SLC35F4: variants seen among roughly 807,000 people sequenced by gnomAD.
SLC35F4 encodes solute carrier family 35 member F4, also known as chromosome 14 open reading frame 36.
SLC35F4 carries 24 observed loss-of-function variants against 44.2 expected under a neutral mutation model. The ratio of observed to expected loss-of-function variants is 0.54; its 90% CI spans 0.39 to 0.76. The LOEUF is 0.76. Among genes scored for constraint, SLC35F4 ranks in the 30% least tolerant of loss-of-function variants. The pLI is 0.00. For missense variants in SLC35F4, 562 were observed against 586.1 expected (o/e 0.96, Z 0.42); for synonymous variants, 238 against 223.6 (o/e 1.06, Z -0.57).
intron 1 of SLC35F4, among the ~76,000 whole-genome samples, chr14:57,735,157 G>A (rs80091716): frequency 0.038 from 5,790 of 152,208 alleles, 134 homozygotes; most frequent in South Asian, 0.085. Context: ...TAGGGTATTC[G>A]TGACTTAGTT....
rs572447842 is a variant in SLC35F4, at chr14:57,648,509, C to T, written c.104-54385G>A. Among the ~76,000 whole-genome samples the T allele has an allele frequency of 3.3e-5, 5 of 152,238 alleles. No homozygotes were observed. The South Asian group carries it at 1.0e-3, about 32-fold the overall frequency. ...AGAGCTACATAACACATTCATGTGC[C>T]TTAAAATTTCAGTTTAGATGCCACA... On this transcript the variant is annotated intron_variant, in intron 1 of 7. Coordinates refer to ENST00000556826, the MANE Select transcript of SLC35F4 (RefSeq NM_001306087.2).
At chr14:57,733,380 A>T (rs2076390799) in intron 1 of SLC35F4, among the ~76,000 whole-genome samples, 1 of 126,856 alleles carries the variant, frequency 7.9e-6, no homozygotes, top group South Asian at 2.6e-4. Context: ...AAAAAAAAAA[A>T]ATCCCAGCAA....
At chr14:57,660,376 T>C (rs574366922) in intron 1 of SLC35F4, among the ~76,000 whole-genome samples, 2 of 152,138 alleles carry the variant, frequency 1.3e-5, no homozygotes, top group South Asian at 4.1e-4. Context: ...CTGCTGGATC[T>C]ACACTTAGAG....
intron 1 of SLC35F4, among the ~76,000 whole-genome samples, chr14:57,823,548 T>C (rs1428199473): frequency 1.3e-5 from 2 of 152,160 alleles, no homozygotes; most frequent in Non-Finnish European, 2.9e-5. Flanking sequence ...TATAGCTATA[T>C]CCCTGGTGCC....
upstream of SLC35F4, among the ~76,000 whole-genome samples, chr14:57,982,905 C>CCT (rs1379446221): frequency 1.3e-5 from 2 of 152,094 alleles, no homozygotes; most frequent in African/African-American, 2.4e-5. Flanking sequence ...TCAATCAGCT[C>CCT]CTCTCTCTCC....
chr14:57,729,010 G>A (rs182017569), intron 1 of SLC35F4, among the ~76,000 whole-genome samples: 151 of 152,234 alleles, frequency 9.9e-4, no homozygotes, highest in African/African-American at 3.5e-3. Context: ...GGTTTCCACT[G>A]AAAAGTCTGC....
chr14:57,777,664 A>G (rs1372927757), intron 1 of SLC35F4, among the ~76,000 whole-genome samples: 1 of 152,138 alleles, frequency 6.6e-6, no homozygotes, highest in African/African-American at 2.4e-5. Flanking sequence ...TAGCATTAGG[A>G]GAAATACCTA....
chr14:57,873,698 G>C (rs1319276115), intron 1 of SLC35F4, among the ~76,000 whole-genome samples: 1 of 152,008 alleles, frequency 6.6e-6, no homozygotes, highest in Admixed American at 6.6e-5. Flanking sequence ...CATTTTCCAA[G>C]TGTTCTGAAA....
In SLC35F4 at chr14:57,847,687, C is replaced by T. The variant is rs138860710; in HGVS notation, c.103+18036G>A. On this transcript the variant is annotated intron_variant, in intron 1 of 7. Coordinates refer to ENST00000556826, the MANE Select transcript of SLC35F4 (RefSeq NM_001306087.2). ...TACAGCTCGATGACATTTTCATAAA[C>T]GTATCAATGTAACCAACAGTCAGAT... 1.9e-3 allele frequency among the ~76,000 whole-genome samples: 294 copies of T among 152,196 alleles called. 2 individuals are homozygous for T. Among genetic ancestry groups the T allele is most frequent in the African/African-American group, 6.0e-3 (249 of 41,530 alleles).
At chr14:57,931,839 TA>T (rs1482705175) in intron 1 of SLC35F4, among the ~76,000 whole-genome samples, 2 of 152,136 alleles carry the variant, frequency 1.3e-5, no homozygotes, top group Non-Finnish European at 2.9e-5. Flanking sequence ...CCTAAGGAAA[TA>T]GTTCAAGCTT....
At chr14:57,976,780 T>A (rs1793894649) in exon 2 of SLC35F4, 1 of 152,150 alleles carries the variant, frequency 6.6e-6, no homozygotes, top group African/African-American at 2.4e-5. Context: ...TCAACCTTTA[T>A]CAGTAAGGAA....
chr14:57,708,383 A>C (rs529507854), intron 1 of SLC35F4, among the ~76,000 whole-genome samples: 19 of 152,214 alleles, frequency 1.2e-4, no homozygotes, highest in Non-Finnish European at 2.5e-4. Context: ...TTTGAGTAAT[A>C]ATAAAACTCT....
At chr14:57,787,938 T>G (rs1470259329) in intron 1 of SLC35F4, among the ~76,000 whole-genome samples, 1 of 152,152 alleles carries the variant, frequency 6.6e-6, no homozygotes, top group Non-Finnish European at 1.5e-5. Flanking sequence ...TAACATTGAA[T>G]GTAAATGGTC....
chr14:57,602,897 CAAG>C (rs1447662767), intron 1 of SLC35F4, among the ~76,000 whole-genome samples: 1 of 152,182 alleles, frequency 6.6e-6, no homozygotes, highest in Admixed American at 6.5e-5. Flanking sequence ...CAGTCCTGCC[CAAG>C]AATAACCCCT....
At chr14:57,664,915 C>T (rs780243711) in intron 1 of SLC35F4, among the ~76,000 whole-genome samples, 3 of 152,104 alleles carry the variant, frequency 2.0e-5, no homozygotes, top group African/African-American at 7.2e-5. Context: ...AGAGCCTAAC[C>T]AAGCAATGAG....
chr14:57,642,622 A>G (rs1433982141), intron 1 of SLC35F4, among the ~76,000 whole-genome samples: 2 of 151,930 alleles, frequency 1.3e-5, no homozygotes, highest in Non-Finnish European at 2.9e-5. Flanking sequence ...TTCAATGTTG[A>G]TATTTTTTTC....
At chr14:57,733,340 C>A (rs79493748) in intron 1 of SLC35F4, among the ~76,000 whole-genome samples, 5,991 of 134,572 alleles carry the variant, frequency 0.045, 144 homozygotes, top group South Asian at 0.092. Context: ...ATGTCTGCTA[C>A]AAGGAGAGTC....
chr14:57,566,392 A>G, intron 7 of SLC35F4, 83 bp downstream of exon 7: 1 of 1,302,470 alleles, frequency 7.7e-7, no homozygotes, highest in Middle Eastern at 1.8e-4. Context: ...CAATTTCTAG[A>G]AGGAACAACT....
rs573373293 is a variant in SLC35F4, at chr14:57,593,835, T to A, written c.289+104A>T. ...GATAAAGCTTCCCCACATGTACTCA[T>A]AAGAGTCCGTGTAACATCTCTGCAT... is the stretch of plus-strand genomic sequence containing the variant. On this transcript the variant is annotated intron_variant, in intron 2 of 7. Coordinates refer to ENST00000556826, the MANE Select transcript of SLC35F4 (RefSeq NM_001306087.2). The A allele has an allele frequency of 5.5e-6, 7 of 1,282,848 alleles. No individual in the cohort carries two copies. In the South Asian group the frequency reaches 1.0e-4, roughly 19 times the overall value. The allele number at this position is 1,282,848 out of a possible 1,614,324, so 79.5% of individuals were successfully genotyped here. A position where few individuals can be genotyped will look rare whatever the true frequency, so the allele number is the denominator to read the frequency against.
Sources: allele counts gnomAD v4.1 joint callset (sites outside exome capture counted in the v4.1 genomes callset), GRCh38; gene constraint gnomAD v4.1.1; transcripts MANE v1.5; gene names NCBI Gene and HGNC (gene_info 2026-07-23, HGNC 2026-07-21).